QTMAN: variants seen among roughly 807,000 people sequenced by gnomAD.
QTMAN encodes the protein queuosine-tRNA mannosyltransferase, also known as tRNA-queuosine alpha-mannosyltransferase.
chr2:144,304,651 G>A, the QTMAN span, among the ~76,000 whole-genome samples: 1 of 152,092 alleles, frequency 6.6e-6, no homozygotes, highest in Non-Finnish European at 1.5e-5. Flanking sequence ...CACTATATTC[G>A]CCAGGCTGGT....
At chr2:143,992,922 C>T in the QTMAN span, among the ~76,000 whole-genome samples, 1 of 152,028 alleles carries the variant, frequency 6.6e-6, no homozygotes, top group African/African-American at 2.4e-5. Context: ...TGATTTCCAC[C>T]TTGAATTCCT....
chr2:144,052,922 T>C, the QTMAN span, among the ~76,000 whole-genome samples: 1 of 152,200 alleles, frequency 6.6e-6, no homozygotes, highest in African/African-American at 2.4e-5. Context: ...GTGCTGGGAT[T>C]ACAGGCGTGA....
At chr2:144,019,435 G>GGAGTGTGTGTGT in the QTMAN span, among the ~76,000 whole-genome samples, 1 of 117,274 alleles carries the variant, frequency 8.5e-6, no homozygotes, top group Middle Eastern at 4.2e-3. Flanking sequence ...TAAGCATGCA[G>GGAGTGTGTGTGT]GTGTGTGTGT....
chr2:143,972,576 T>C, the QTMAN span, among the ~76,000 whole-genome samples: 1 of 152,204 alleles, frequency 6.6e-6, no homozygotes, highest in Admixed American at 6.5e-5. Context: ...GCAGGCTTTA[T>C]AAACCTCAAT....
chr2:144,018,309 C>CT, the QTMAN span, among the ~76,000 whole-genome samples: 2 of 151,912 alleles, frequency 1.3e-5, no homozygotes, highest in Admixed American at 1.3e-4. Flanking sequence ...GCAAAGCCAA[C>CT]TTTCAACATA....
chr2:144,271,163 G>A, the QTMAN span, among the ~76,000 whole-genome samples: 5 of 152,276 alleles, frequency 3.3e-5, no homozygotes, highest in African/African-American at 9.6e-5. Context: ...AAGGGTAAGT[G>A]TAAAGATTTC....
At chr2:144,018,631 A>T in the QTMAN span, among the ~76,000 whole-genome samples, 1 of 152,236 alleles carries the variant, frequency 6.6e-6, no homozygotes, top group Admixed American at 6.5e-5. Context: ...GCCATTACTC[A>T]TTACTACAAT....
the QTMAN span, among the ~76,000 whole-genome samples, chr2:144,261,174 T>C: frequency 6.6e-6 from 1 of 152,230 alleles, no homozygotes; most frequent in East Asian, 1.9e-4. Context: ...TTAGCATATT[T>C]TTCCCTAAGA....
the QTMAN span, chr2:143,946,014 T>A: frequency 6.6e-6 from 1 of 152,252 alleles, no homozygotes; most frequent in Admixed American, 6.5e-5. Context: ...AATATGCTAA[T>A]TAAAAATTGC....
chr2:144,276,050 T>C, the QTMAN span, among the ~76,000 whole-genome samples: 1 of 152,168 alleles, frequency 6.6e-6, no homozygotes, highest in African/African-American at 2.4e-5. Context: ...ACTTTTTTCA[T>C]TGTTTTTATT....
the QTMAN span, among the ~76,000 whole-genome samples, chr2:143,976,485 A>G: frequency 1.3e-5 from 2 of 152,306 alleles, no homozygotes; most frequent in Non-Finnish European, 2.9e-5. Flanking sequence ...ATTCAAAAAC[A>G]TGAGGCTTCT....
chr2:143,998,656 G>A, the QTMAN span, among the ~76,000 whole-genome samples: 2 of 151,958 alleles, frequency 1.3e-5, no homozygotes, highest in African/African-American at 2.4e-5. Flanking sequence ...TGGTGGAGGG[G>A]TAGGTTAAAA....
At chr2:144,093,290 A>G in the QTMAN span, among the ~76,000 whole-genome samples, 1 of 152,202 alleles carries the variant, frequency 6.6e-6, no homozygotes, top group Non-Finnish European at 1.5e-5. Flanking sequence ...ACCCACAAAT[A>G]CTCTTGACAT....
chr2:144,028,921 G>A, the QTMAN span, among the ~76,000 whole-genome samples: 1 of 152,180 alleles, frequency 6.6e-6, no homozygotes, highest in Non-Finnish European at 1.5e-5. Context: ...TGAGAAACAG[G>A]ACTGGGAGGG....
At chr2:144,040,416 T>A in the QTMAN span, among the ~76,000 whole-genome samples, 1 of 151,996 alleles carries the variant, frequency 6.6e-6, no homozygotes, top group Non-Finnish European at 1.5e-5. Flanking sequence ...TCTAAAAGAA[T>A]AAAAAATGCT....
the QTMAN span, chr2:143,957,285 T>C: frequency 3.7e-6 from 6 of 1,612,228 alleles, no homozygotes; most frequent in Admixed American, 5.0e-5. Context: ...GCTGGGTAAG[T>C]AGCCCCAGTG....
At chr2:144,133,116 AATATATATATATATATATAT>A in the QTMAN span, among the ~76,000 whole-genome samples, 11 of 41,376 alleles carry the variant, frequency 2.7e-4, no homozygotes, top group Non-Finnish European at 4.2e-4. Context: ...AATGACTGGT[AATATATATATATATATATAT>A]ATATATATAT....
chr2:144,282,363 A>G, the QTMAN span, among the ~76,000 whole-genome samples: 1 of 149,340 alleles, frequency 6.7e-6, no homozygotes, highest in African/African-American at 2.4e-5. Context: ...GAAATATTAT[A>G]TATTTCACCC....
At chr2:144,225,401 T>C in the QTMAN span, among the ~76,000 whole-genome samples, 2 of 152,202 alleles carry the variant, frequency 1.3e-5, no homozygotes, top group East Asian at 3.9e-4. Context: ...CCTCTGAAAT[T>C]TATAGATATC....
Sources: allele counts gnomAD v4.1 joint callset (sites outside exome capture counted in the v4.1 genomes callset), GRCh38; gene constraint gnomAD v4.1.1; transcripts MANE v1.5; gene names NCBI Gene and HGNC (gene_info 2026-07-23, HGNC 2026-07-21).